NOVA1: variants seen among roughly 807,000 people sequenced by gnomAD.
The protein encoded by NOVA1 is NOVA alternative splicing regulator 1.
NOVA1 carries 7 observed loss-of-function variants against 38.0 expected under a neutral mutation model. The observed-to-expected ratio is 0.18, with a 90% confidence interval of 0.10 to 0.35. NOVA1 has a LOEUF of 0.35. Among genes scored for constraint, NOVA1 ranks in the 10% least tolerant of loss-of-function variants. The probability of loss-of-function intolerance (pLI) is 1.00; values close to 1 mark genes in which losing one functional copy is unlikely to be tolerated. For synonymous variants in NOVA1, 270 were observed against 232.5 expected (o/e 1.16, Z -1.47); for missense variants, 460 against 616.0 (o/e 0.75, Z 2.68).
At chr14:26,559,826 T>C (rs1280754492) in intron 2 of NOVA1, among the ~76,000 whole-genome samples, 1 of 152,114 alleles carries the variant, frequency 6.6e-6, no homozygotes, top group African/African-American at 2.4e-5. Flanking sequence ...GTGACTTTAG[T>C]AACCTTTTGT....
intron 2 of NOVA1, among the ~76,000 whole-genome samples, chr14:26,492,544 G>GA (rs1393927238): frequency 3.3e-5 from 5 of 151,936 alleles, no homozygotes; most frequent in Non-Finnish European, 7.4e-5. Flanking sequence ...GTTTTATCAC[G>GA]AAAAAAATTA....
intron 1 of NOVA1, chr14:26,597,020 C>T: frequency 1.7e-6 from 2 of 1,205,314 alleles, no homozygotes; most frequent in Non-Finnish European, 2.1e-6. Flanking sequence ...CATGGTCAAC[C>T]TCTGGACCGA....
At chr14:26,556,132 T>C (rs945482280) in intron 2 of NOVA1, among the ~76,000 whole-genome samples, 2 of 152,148 alleles carry the variant, frequency 1.3e-5, no homozygotes, top group Non-Finnish European at 2.9e-5. Context: ...AGTGAGTTAT[T>C]TGGCAGATAT....
At chr14:26,503,432 T>TA (rs1461965964) in intron 2 of NOVA1, among the ~76,000 whole-genome samples, 3 of 152,072 alleles carry the variant, frequency 2.0e-5, no homozygotes, top group Admixed American at 6.6e-5. Flanking sequence ...TCAATTGTAT[T>TA]AAAAAATCAA....
At chr14:26,497,206 A>C (rs967229335) in intron 2 of NOVA1, among the ~76,000 whole-genome samples, 1 of 152,162 alleles carries the variant, frequency 6.6e-6, no homozygotes, top group Admixed American at 6.5e-5. Context: ...ATTGCTTCTA[A>C]GAGAATAAAA....
At position 26,595,875 on chromosome 14, in the gene NOVA1, G is replaced by C. The variant is rs143573805; in HGVS notation, c.137-322C>G. The C allele has an allele frequency of 1.2e-3, 429 of 354,486 alleles. 1 individual carries two copies. The highest frequency in any genetic ancestry group is 8.5e-3 in the African/African-American group (394 of 46,372). The allele number at this position is 354,486 out of a possible 1,614,324, so 22.0% of individuals were successfully genotyped here. A position where few individuals can be genotyped will look rare whatever the true frequency, so the allele number is the denominator to read the frequency against. On this transcript the variant is annotated intron_variant, in intron 1 of 4. Transcript: ENST00000539517. ...ACATGGAAATCTTCCAATTCTATCT[G>C]TGGCAAAATGAAATGAACTGACCCT... is the stretch of plus-strand genomic sequence containing the variant.
At chr14:26,490,658 C>A (rs1886262530) in intron 2 of NOVA1, among the ~76,000 whole-genome samples, 1 of 152,028 alleles carries the variant, frequency 6.6e-6, no homozygotes, top group Admixed American at 6.6e-5. Context: ...CTGTTCACAT[C>A]ATTTGCACAC....
At chr14:26,455,116 T>A (rs1427185982) in intron 4 of NOVA1, among the ~76,000 whole-genome samples, 1 of 152,204 alleles carries the variant, frequency 6.6e-6, no homozygotes, top group African/African-American at 2.4e-5. Context: ...GTTTGTTTAA[T>A]CTACTTTTGA....
intron 3 of NOVA1, among the ~76,000 whole-genome samples, chr14:26,474,920 A>T (rs1884858099): frequency 6.6e-6 from 1 of 152,032 alleles, no homozygotes; most frequent in Admixed American, 6.6e-5. Flanking sequence ...TATAAATTCA[A>T]TTTATAACAA....
At chr14:26,592,646 T>C (rs1893927307) in intron 2 of NOVA1, 1 of 151,480 alleles carries the variant, frequency 6.6e-6, no homozygotes, top group South Asian at 2.1e-4. Context: ...AAATTCTCAA[T>C]TAGTGTACAA....
chr14:26,466,097 A>G (rs1884110301), intron 4 of NOVA1, among the ~76,000 whole-genome samples: 2 of 152,158 alleles, frequency 1.3e-5, no homozygotes, highest in East Asian at 3.9e-4. Context: ...TCTCTATGGT[A>G]AGAGAATTTC....
intron 4 of NOVA1, among the ~76,000 whole-genome samples, chr14:26,451,192 CATT>C (rs1368559823): frequency 6.6e-6 from 1 of 152,036 alleles, no homozygotes; most frequent in South Asian, 2.1e-4. Flanking sequence ...ATCAGTCTCA[CATT>C]ATATATGTTT....
At chr14:26,556,694 A>G (rs1891499974) in intron 2 of NOVA1, among the ~76,000 whole-genome samples, 2 of 152,194 alleles carry the variant, frequency 1.3e-5, no homozygotes, top group African/African-American at 4.8e-5. Context: ...GGAAAACACT[A>G]TTAAGAAAAT....
At chr14:26,502,953 T>G (rs981050511) in intron 2 of NOVA1, among the ~76,000 whole-genome samples, 4 of 152,060 alleles carry the variant, frequency 2.6e-5, no homozygotes, top group Non-Finnish European at 5.9e-5. Context: ...TTTTTTCTCC[T>G]AATTGAGGAT....
intron 2 of NOVA1, chr14:26,549,526 T>G (rs540495433): frequency 4.6e-6 from 1 of 216,264 alleles, no homozygotes; most frequent in African/African-American, 2.2e-5. Context: ...TTTAATTTTG[T>G]ACCAATCAGA....
At chr14:26,536,996 A>G (rs1380316933) in intron 2 of NOVA1, among the ~76,000 whole-genome samples, 1 of 152,170 alleles carries the variant, frequency 6.6e-6, no homozygotes, top group Admixed American at 6.5e-5. Flanking sequence ...AATACTGTGT[A>G]TACTATACTC....
Position 26,566,964 on chromosome 14 carries a change from T to C in NOVA1, c.280+28446A>G, listed in dbSNP as rs565891087. Among the ~76,000 whole-genome samples the C allele has an allele frequency of 1.4e-4, 22 of 152,216 alleles. No homozygotes were observed. The South Asian group carries it at 4.1e-3, about 29-fold the overall frequency. Reference sequence around the variant, plus strand: ...AAAAAGCTAGAAGCTGGGAATACCGTTAATATCTTCAAAACTACTTGGAAA... The same window carrying C: ...AAAAAGCTAGAAGCTGGGAATACCGCTAATATCTTCAAAACTACTTGGAAA... On this transcript the variant is annotated intron_variant, in intron 2 of 4. Coordinates refer to ENST00000539517, the MANE Select transcript of NOVA1 (RefSeq NM_002515.3).
At chr14:26,460,650 A>C (rs1269981795) in intron 4 of NOVA1, among the ~76,000 whole-genome samples, 1 of 152,126 alleles carries the variant, frequency 6.6e-6, no homozygotes, top group East Asian at 1.9e-4. Flanking sequence ...TTCAATGATA[A>C]AAAATTAGAA....
intron 2 of NOVA1, among the ~76,000 whole-genome samples, chr14:26,506,870 G>A (rs1462617369): frequency 6.6e-6 from 1 of 151,994 alleles, no homozygotes; most frequent in Non-Finnish European, 1.5e-5. Context: ...ATGAGCCACC[G>A]CGCCAGGCCA....
Sources: allele counts gnomAD v4.1 joint callset (sites outside exome capture counted in the v4.1 genomes callset), GRCh38; gene constraint gnomAD v4.1.1; transcripts MANE v1.5; gene names NCBI Gene and HGNC (gene_info 2026-07-23, HGNC 2026-07-21).